RORA: variants seen among roughly 807,000 people sequenced by gnomAD.
RORA encodes the protein RAR related orphan receptor A, also known as nuclear receptor ROR-alpha.
Under a neutral mutation model 69.5 loss-of-function variants are expected in RORA, and 7 were observed. The observed-to-expected ratio is 0.10, with a 90% CI of 0.06 to 0.19. The LOEUF (loss-of-function observed/expected upper bound fraction) is 0.19. Among genes scored for constraint, RORA ranks in the 10% least tolerant of loss-of-function variants. RORA has a pLI of 1.00. For synonymous variants in RORA, 261 were observed against 240.8 expected (o/e 1.08, Z -0.78); for missense variants, 457 against 663.0 (o/e 0.69, Z 3.41).
chr15:61,142,356 G>C (rs948614483), intron 1 of RORA, among the ~76,000 whole-genome samples: 7 of 151,994 alleles, frequency 4.6e-5, no homozygotes, highest in African/African-American at 1.5e-4. Flanking sequence ...GTCCAATCTT[G>C]ACAATTATTA....
chr15:60,568,203 A>G (rs1004194467), intron 2 of RORA, among the ~76,000 whole-genome samples: 2 of 152,148 alleles, frequency 1.3e-5, no homozygotes, highest in Non-Finnish European at 2.9e-5. Context: ...TGGATAGGAC[A>G]ATGCTTATGT....
chr15:60,498,858 A>G (rs1303472203), intron 10 of RORA, among the ~76,000 whole-genome samples: 1 of 144,344 alleles, frequency 6.9e-6, no homozygotes, highest in Non-Finnish European at 1.5e-5. Context: ...GCTATAAAGG[A>G]GAAAAAAAAA....
chr15:60,995,493 C>T (rs906794463), intron 1 of RORA, among the ~76,000 whole-genome samples: 25 of 152,190 alleles, frequency 1.6e-4, no homozygotes, highest in African/African-American at 5.5e-4. Context: ...CCTCCCCTCC[C>T]CTTCCTCCCC....
intron 1 of RORA, among the ~76,000 whole-genome samples, chr15:61,111,675 T>C (rs1232872477): frequency 2.6e-5 from 4 of 151,944 alleles, no homozygotes; most frequent in Admixed American, 2.0e-4. Context: ...TTTGTGAAAG[T>C]ATAAACCTTA....
chr15:60,629,013 T>C (rs1418937884), intron 2 of RORA, among the ~76,000 whole-genome samples: 1 of 152,076 alleles, frequency 6.6e-6, no homozygotes, highest in Non-Finnish European at 1.5e-5. Context: ...CCACAGGTAT[T>C]TCTACCCCTC....
At chr15:60,737,544 C>A (rs1226100274) in intron 1 of RORA, among the ~76,000 whole-genome samples, 5 of 152,182 alleles carry the variant, frequency 3.3e-5, no homozygotes, top group African/African-American at 7.2e-5. Flanking sequence ...GGCATGGGCT[C>A]AGCAATCTGT....
Position 60,819,765 on chromosome 15 carries a change from A to ACACACACACACACACG in RORA, c.167-141080_167-141079insCGTGTGTGTGTGTGTG, listed in dbSNP as rs1555455758. Reference sequence around the variant, plus strand: ...AACCCAGACACACACACACACACACACACACACACACACACACACACACAC... The same window carrying ACACACACACACACACG: ...AACCCAGACACACACACACACACACACACACACACACACACGCACACACACACACACACACACACAC... On this transcript the variant is annotated intron_variant, in intron 1 of 10. Coordinates refer to ENST00000335670, the MANE Select transcript of RORA (RefSeq NM_134261.3). Among the ~76,000 whole-genome samples the ACACACACACACACACG allele has an allele frequency of 5.3e-3, 659 of 124,432 alleles. 9 individuals are homozygous for ACACACACACACACACG. Among genetic ancestry groups the ACACACACACACACACG allele is most frequent in the African/African-American group, 0.016 (618 of 38,172 alleles). The allele number at this position is 124,432 out of a possible 152,430, so 81.6% of individuals were successfully genotyped here. A position where few individuals can be genotyped will look rare whatever the true frequency, so the allele number is the denominator to read the frequency against.
chr15:60,866,090 A>C (rs2073484224), intron 1 of RORA, among the ~76,000 whole-genome samples: 1 of 152,306 alleles, frequency 6.6e-6, no homozygotes, highest in East Asian at 1.9e-4. Flanking sequence ...TGAAATAGAC[A>C]ATAAATTATT....
chr15:61,016,430 T>C (rs1487647343), intron 1 of RORA, among the ~76,000 whole-genome samples: 2 of 152,180 alleles, frequency 1.3e-5, no homozygotes, highest in Non-Finnish European at 2.9e-5. Flanking sequence ...AACAAAGACT[T>C]CATGGTTCCA....
Position 61,033,419 on chromosome 15 carries a change from C to A in RORA, c.166+195634G>T, listed in dbSNP as rs6494244. On this transcript the variant is annotated intron_variant, in intron 1 of 10. Transcript: ENST00000335670. ...TATAGCTTTATTCTGAAAAAAAAAA[C>A]AAAAACCAGTTTTGCTCTCAGTGGG... is the stretch of plus-strand genomic sequence containing the variant. Among the ~76,000 whole-genome samples, 44 of 150,638 alleles carry A rather than the reference C, an allele frequency of 2.9e-4. 2 individuals are homozygous for A. The South Asian group carries it at 6.3e-3, about 22-fold the overall frequency.
chr15:61,197,058 G>C (rs372239287), intron 1 of RORA, among the ~76,000 whole-genome samples: 1 of 152,198 alleles, frequency 6.6e-6, no homozygotes, highest in Non-Finnish European at 1.5e-5. Context: ...GGGGAAAGCC[G>C]ATGAGGGAGC....
intron 1 of RORA, among the ~76,000 whole-genome samples, chr15:60,873,018 T>C (rs1220684987): frequency 1.3e-5 from 2 of 152,192 alleles, no homozygotes; most frequent in African/African-American, 4.8e-5. Context: ...CCTCTTCTCC[T>C]TCTTCTTAGT....
At chr15:60,703,834 G>T (rs569321247) in intron 1 of RORA, among the ~76,000 whole-genome samples, 1 of 151,126 alleles carries the variant, frequency 6.6e-6, no homozygotes, top group South Asian at 2.1e-4. Flanking sequence ...CACAGTACCT[G>T]GGATTTAAGA....
chr15:60,690,843 A>G lies in RORA; in HGVS notation c.167-12157T>C, dbSNP rs76105700. Among the ~76,000 whole-genome samples the G allele has an allele frequency of 9.9e-3, 1,505 of 152,246 alleles. 57 individuals are homozygous for G. The highest frequency in any genetic ancestry group is 0.092 in the East Asian group (475 of 5,170). On this transcript the variant is annotated intron_variant, in intron 1 of 10. Transcript: ENST00000335670. ...GACGCGTTGAAGTCTTCCTGTTACC[A>G]TACAGGACACCTCAACTGGACCCAG...
At chr15:61,051,027 T>C (rs1222903883) in intron 1 of RORA, among the ~76,000 whole-genome samples, 3 of 152,120 alleles carry the variant, frequency 2.0e-5, no homozygotes, top group African/African-American at 7.2e-5. Context: ...AGGGTAGTGC[T>C]CTCTAGGCTC....
intron 1 of RORA, among the ~76,000 whole-genome samples, chr15:60,781,076 G>C (rs2072246064): frequency 6.6e-6 from 1 of 152,194 alleles, no homozygotes; most frequent in Admixed American, 6.5e-5. Context: ...AAAAAGGAGA[G>C]CTGCATCTTT....
At chr15:60,906,303 C>T (rs1486172791) in intron 1 of RORA, among the ~76,000 whole-genome samples, 1 of 152,182 alleles carries the variant, frequency 6.6e-6, no homozygotes, top group Non-Finnish European at 1.5e-5. Context: ...CAGAATTTTC[C>T]CCTAGATGTA....
In RORA at chr15:60,522,770, T is replaced by TA. The variant is rs34289911; in HGVS notation, c.283-8014dup. The stretch of plus-strand genomic sequence containing the variant: ...GACAACAGAGTGAGACCCTGTGTCT[T>TA]AAAAAAAAAAAAAAAAAAAGACCAG... On this transcript the variant is annotated intron_variant, in intron 3 of 10. Coordinates refer to ENST00000335670, the MANE Select transcript of RORA (RefSeq NM_134261.3). 8.8e-3 allele frequency among the ~76,000 whole-genome samples: 1,097 copies of TA among 124,140 alleles called. 7 individuals carry two copies. The highest frequency in any genetic ancestry group is 0.029 in the African/African-American group (938 of 31,850). The allele number at this position is 124,140 out of a possible 152,430, so 81.4% of individuals were successfully genotyped here.
chr15:60,707,804 C>T (rs543400492), intron 1 of RORA, among the ~76,000 whole-genome samples: 1 of 152,156 alleles, frequency 6.6e-6, no homozygotes, highest in Admixed American at 6.5e-5. Flanking sequence ...GTGTCCAGTT[C>T]TTGGCTGGTA....
Sources: gnomAD v4.1 joint callset for allele counts (sites outside exome capture counted in the v4.1 genomes callset) on GRCh38, gnomAD v4.1.1 for gene constraint, MANE v1.5 for transcripts, NCBI Gene and HGNC (gene_info 2026-07-23, HGNC 2026-07-21) for gene names.